The following ELOVL6 variants were observed in gnomAD, a reference collection of about 807,000 sequenced individuals.
The protein encoded by ELOVL6 is very long chain fatty acid elongase 6.
A neutral mutation model predicts 31.7 loss-of-function variants in ELOVL6; 8 were observed. The ratio of observed to expected loss-of-function variants is 0.25; its 90% CI spans 0.15 to 0.45. The LOEUF (loss-of-function observed/expected upper bound fraction) is 0.45. Among genes scored for constraint, ELOVL6 ranks in the 20% least tolerant of loss-of-function variants. ELOVL6 has a pLI of 1.00. For missense variants in ELOVL6, 126 were observed against 326.4 expected, an observed-to-expected ratio of 0.39 and a Z score of 4.73; for synonymous variants, 101 against 117.7, an observed-to-expected ratio of 0.86 and a Z score of 0.92.
intron 1 of ELOVL6, among the ~76,000 whole-genome samples, chr4:110,172,812 A>G (rs1578278219): frequency 6.6e-6 from 1 of 152,226 alleles, no homozygotes. Context: ...TGTTACAGTG[A>G]AACAATGGAC....
chr4:110,143,921 G>C (rs1388096067), intron 1 of ELOVL6, among the ~76,000 whole-genome samples: 1 of 151,930 alleles, frequency 6.6e-6, no homozygotes, highest in Non-Finnish European at 1.5e-5. Flanking sequence ...CAGGCATAGT[G>C]GCAATGTCTG....
In ELOVL6 at chr4:110,113,007, G is replaced by C. The variant is rs565055663; in HGVS notation, c.90-7379C>G. ...CGGGAGGCTGAGGCAGGCAGATCACGAGGTCAGGGGATGGAGACCATCCTG... is the reference window on the plus strand; with the variant it reads ...CGGGAGGCTGAGGCAGGCAGATCACCAGGTCAGGGGATGGAGACCATCCTG... On this transcript the variant is annotated intron_variant, in intron 1 of 3. Transcript: ENST00000302274. Among the ~76,000 whole-genome samples, 4 of 152,114 alleles carry C rather than the reference G, an allele frequency of 2.6e-5. No individual in the cohort carries two copies. In the East Asian group the frequency reaches 5.8e-4, roughly 22 times the overall value.
rs1455340498 is a variant in ELOVL6 at position 110,094,431 on chromosome 4, ATATATATATATAAT to A, written c.221+11052_221+11065del. Reference sequence around the variant, plus strand: ...TATATATATATATATATATATATATATATATATATATAATATATATAACATAATATATATTACAT... The same window carrying A: ...TATATATATATATATATATATATATAATATATAACATAATATATATTACAT... On this transcript the variant is annotated intron_variant, in intron 2 of 3. Transcript: ENST00000302274. Among the ~76,000 whole-genome samples, 178 of 59,284 alleles carry A rather than the reference ATATATATATATAAT, an allele frequency of 3.0e-3. 7 individuals carry two copies. The highest frequency in any genetic ancestry group is 0.022 in the East Asian group (45 of 2,010). The allele number at this position is 59,284 out of a possible 152,430, so 38.9% of individuals were successfully genotyped here. A position where few individuals can be genotyped will look rare whatever the true frequency, so the allele number is the denominator to read the frequency against.
intron 1 of ELOVL6, among the ~76,000 whole-genome samples, chr4:110,169,232 T>G: frequency 8.7e-6 from 1 of 115,380 alleles, no homozygotes; most frequent in Non-Finnish European, 2.0e-5. Flanking sequence ...AGTTTTGGGG[T>G]TTTTTGTTTT....
chr4:110,066,640 A>C (rs978204113), intron 2 of ELOVL6, among the ~76,000 whole-genome samples: 3 of 87,510 alleles, frequency 3.4e-5, no homozygotes, highest in African/African-American at 1.9e-4. Context: ...GTCTCAACAA[A>C]AAAAAAAAAA....
At chr4:110,100,989 T>C (rs1240126419) in intron 2 of ELOVL6, among the ~76,000 whole-genome samples, 2 of 152,198 alleles carry the variant, frequency 1.3e-5, no homozygotes, top group African/African-American at 4.8e-5. Context: ...ATGACCAAAA[T>C]AGAAAATTTC....
intron 1 of ELOVL6, among the ~76,000 whole-genome samples, chr4:110,161,021 G>A (rs1758615569): frequency 1.3e-5 from 2 of 152,170 alleles, no homozygotes; most frequent in South Asian, 2.1e-4. Flanking sequence ...CTACATGAAA[G>A]AATGCTATCT....
chr4:110,198,121 A>C, intron 1 of ELOVL6, 126 bp downstream of exon 1: 1 of 497,560 alleles, frequency 2.0e-6, no homozygotes, highest in East Asian at 5.8e-5. Flanking sequence ...CCGAGAACTC[A>C]GCGATCAGCT....
At chr4:110,153,098 G>A (rs1758325112) in intron 1 of ELOVL6, among the ~76,000 whole-genome samples, 1 of 152,154 alleles carries the variant, frequency 6.6e-6, no homozygotes, top group Non-Finnish European at 1.5e-5. Context: ...TGATCAGGCA[G>A]CACAACCTGT....
intron 2 of ELOVL6, chr4:110,093,114 T>A: frequency 2.2e-6 from 1 of 452,768 alleles, no homozygotes; most frequent in Non-Finnish European, 4.4e-6. Flanking sequence ...ACATGTCAGC[T>A]GTTTCAAGTT....
chr4:110,117,360 TA>T (rs1462925673), intron 1 of ELOVL6, among the ~76,000 whole-genome samples: 3 of 152,222 alleles, frequency 2.0e-5, no homozygotes, highest in Non-Finnish European at 4.4e-5. Flanking sequence ...ATTGGGGTGA[TA>T]CCACTTATGC....
At position 110,050,175 on chromosome 4, in the gene ELOVL6, A is replaced by T. The variant is rs1204484666; in HGVS notation, c.*1163T>A. ...TCTACATTGCTTGGGGAGCAAATGC[A>T]GATGATGCAGAAACACAGTGTTCCC... is the stretch of plus-strand genomic sequence containing the variant. On this transcript the variant is annotated 3_prime_UTR_variant, in exon 4 of 4. Coordinates refer to ENST00000302274, the MANE Select transcript of ELOVL6 (RefSeq NM_024090.3). The T allele has an allele frequency of 6.6e-6, 1 of 152,584 alleles. No homozygotes were observed. Among genetic ancestry groups the T allele is most frequent in the East Asian group, 1.9e-4 (1 of 5,190 alleles). 9.5% of individuals were successfully genotyped at this position (152,584 alleles called of 1,614,324 possible).
intron 1 of ELOVL6, among the ~76,000 whole-genome samples, chr4:110,177,863 T>C (rs1362053408): frequency 1.3e-5 from 2 of 152,194 alleles, no homozygotes; most frequent in African/African-American, 2.4e-5. Context: ...ATAAATGTTC[T>C]TCACACCAAA....
intron 1 of ELOVL6, chr4:110,117,903 A>AAAAAAAAATATAT: frequency 1.1e-3 from 7 of 6,502 alleles, no homozygotes; most frequent in Admixed American, 3.8e-3. Flanking sequence ...AAAAAAAAAA[A>AAAAAAAAATATAT]ATATATATAT....
At chr4:110,074,639 G>A (rs181067212) in intron 2 of ELOVL6, among the ~76,000 whole-genome samples, 1 of 152,206 alleles carries the variant, frequency 6.6e-6, no homozygotes, top group Admixed American at 6.5e-5. Flanking sequence ...TAGATAGTAT[G>A]TCAGGAAATA....
intron 1 of ELOVL6, among the ~76,000 whole-genome samples, chr4:110,152,720 G>A (rs545158468): frequency 4.9e-4 from 74 of 152,190 alleles, no homozygotes; most frequent in Non-Finnish European, 5.7e-4. Context: ...CAGATCACAC[G>A]TAGAAGTAGT....
At chr4:110,140,329 C>T (rs1358406612) in intron 1 of ELOVL6, among the ~76,000 whole-genome samples, 2 of 152,188 alleles carry the variant, frequency 1.3e-5, no homozygotes, top group Non-Finnish European at 2.9e-5. Flanking sequence ...TGCTCAGTGT[C>T]AGATCCCTAG....
At chr4:110,089,895 G>A (rs1175552864) in intron 2 of ELOVL6, among the ~76,000 whole-genome samples, 1 of 152,182 alleles carries the variant, frequency 6.6e-6, no homozygotes, top group Non-Finnish European at 1.5e-5. Flanking sequence ...GAGCAGAATA[G>A]TTACTTAGGT....
chr4:110,064,564 A>C lies in ELOVL6; in HGVS notation c.222-4810T>G, dbSNP rs572681742. ...CAACAGCCTTGAACTCCTGGACTCAAGTGATCCTCCTGCCTCAGCTTCCCA... is the reference window on the plus strand; with the variant it reads ...CAACAGCCTTGAACTCCTGGACTCACGTGATCCTCCTGCCTCAGCTTCCCA... On this transcript the variant is annotated intron_variant, in intron 2 of 3. Transcript: ENST00000302274. Among the ~76,000 whole-genome samples the C allele has an allele frequency of 2.2e-4, 33 of 152,250 alleles. No homozygotes were observed. In the South Asian group the frequency reaches 5.8e-3, roughly 27 times the overall value.
Sources: allele counts gnomAD v4.1 joint callset (sites outside exome capture counted in the v4.1 genomes callset), GRCh38; gene constraint gnomAD v4.1.1; transcripts MANE v1.5; gene names NCBI Gene and HGNC (gene_info 2026-07-23, HGNC 2026-07-21).